The following ENOX2 variants were observed in gnomAD, a reference collection of about 807,000 sequenced individuals.
ENOX2 encodes the protein ecto-NOX disulfide-thiol exchanger 2.
A neutral mutation model predicts 45.0 loss-of-function variants in ENOX2; 36 were observed. The ratio of observed to expected loss-of-function variants is 0.80; its 90% CI spans 0.61 to 1.06. The LOEUF (loss-of-function observed/expected upper bound fraction) is 1.06. Ranked by LOEUF, ENOX2 falls within the 50% of genes least tolerant of loss-of-function variation. The pLI is 0.00. For synonymous variants in ENOX2, 174 were observed against 152.3 expected, an observed-to-expected ratio of 1.14 and a Z score of -1.05; for missense variants, 423 against 462.5, an observed-to-expected ratio of 0.91 and a Z score of 0.78.
intron 2 of ENOX2, among the ~76,000 whole-genome samples, chrX:130,855,326 T>C (rs1223622620): frequency 8.9e-6 from 1 of 112,147 alleles, no homozygotes; most frequent in Non-Finnish European, 1.9e-5. Flanking sequence ...GGTATAAATC[T>C]TAGGTACTTA....
intron 6 of ENOX2, among the ~76,000 whole-genome samples, chrX:130,670,509 G>T (rs2036957748): frequency 9.0e-6 from 1 of 110,653 alleles, no homozygotes; most frequent in Non-Finnish European, 1.9e-5. Flanking sequence ...GGCTGAGGTT[G>T]GCTCCGTGGG....
intron 10 of ENOX2, among the ~76,000 whole-genome samples, chrX:130,643,319 A>G (rs1038200770): frequency 9.0e-6 from 1 of 111,464 alleles, no homozygotes; most frequent in Non-Finnish European, 1.9e-5. Context: ...AGCAACAAAC[A>G]TGGTAGATAT....
At chrX:130,682,026 C>G (rs1046667337) in intron 5 of ENOX2, among the ~76,000 whole-genome samples, 3 of 106,560 alleles carry the variant, frequency 2.8e-5, no homozygotes, top group East Asian at 5.9e-4. Flanking sequence ...CCCCCCCCCC[C>G]ACCGACTATA....
intron 3 of ENOX2, among the ~76,000 whole-genome samples, chrX:130,745,224 G>A (rs986457969): frequency 1.2e-4 from 13 of 112,057 alleles, no homozygotes; most frequent in African/African-American, 4.2e-4. Context: ...AGATAGAAAA[G>A]TTAAACAGCA....
chrX:130,726,046 G>A (rs1569493644), intron 3 of ENOX2, among the ~76,000 whole-genome samples: 1 of 112,011 alleles, frequency 8.9e-6, no homozygotes, highest in East Asian at 2.8e-4. Context: ...AAAAGACCAG[G>A]AACATCGTAT....
chrX:130,790,540 T>G (rs2077028241), intron 2 of ENOX2, among the ~76,000 whole-genome samples: 2 of 112,422 alleles, frequency 1.8e-5, no homozygotes, highest in Admixed American at 1.9e-4. Flanking sequence ...GGTCTGCTTT[T>G]ATAAGTTCCC....
At position 130,679,735 on chromosome X, in the gene ENOX2, AG is replaced by A; in HGVS notation, c.266del (p.Pro89LeufsTer104). ...ATCCTGGTGGTCTTTCTCGGGTTGC[AG>A]GAGGTGGGAGATCTAAGTTGTAAGG... The part of the protein sequence containing the change: ...LFPPNPNLPP[P>X]ATRERPPGCK... On this transcript the variant is annotated frameshift_variant, in exon 6 of 15. Transcript: ENST00000394363. LOFTEE classifies it high-confidence loss of function. 1 of 1,207,189 alleles carries A rather than the reference AG, an allele frequency of 8.3e-7. No individual in the cohort carries two copies. Among genetic ancestry groups the A allele is most frequent in the Non-Finnish European group, 1.1e-6 (1 of 891,140 alleles).
chrX:130,872,450 C>T (rs1603376015), intron 2 of ENOX2, among the ~76,000 whole-genome samples: 1 of 111,881 alleles, frequency 8.9e-6, no homozygotes, highest in East Asian at 2.8e-4. Flanking sequence ...TATCTCTTCT[C>T]TACTTGATTT....
chrX:130,740,288 C>A (rs1045776037), intron 3 of ENOX2, among the ~76,000 whole-genome samples: 2 of 110,696 alleles, frequency 1.8e-5, no homozygotes, highest in African/African-American at 6.6e-5. Context: ...GTAATCCCAG[C>A]TACTCGGGAG....
Position 130,769,945 on chromosome X carries a change from AAAG to A in ENOX2, c.-39+13599_-39+13601del, listed in dbSNP as rs759192472. On this transcript the variant is annotated intron_variant, in intron 3 of 14. Transcript: ENST00000394363. ...AATTTAAGATGTTTTCCATGTGCCAAAAGAAGAAGACGTTCCATTTCCCTTTAT... is the reference window on the plus strand; with the variant it reads ...AATTTAAGATGTTTTCCATGTGCCAAAAGAAGACGTTCCATTTCCCTTTAT... Among the ~76,000 whole-genome samples, 9 of 112,260 alleles carry A rather than the reference AAAG, an allele frequency of 8.0e-5. No individual in the cohort carries two copies. The South Asian group carries it at 1.1e-3, about 14-fold the overall frequency.
intron 3 of ENOX2, among the ~76,000 whole-genome samples, chrX:130,705,889 C>T (rs189690735): frequency 9.0e-6 from 1 of 111,551 alleles, no homozygotes; most frequent in African/African-American, 3.3e-5. Context: ...CAGAGGGTCC[C>T]CGTTTCCCTT....
At chrX:130,785,325 CAAA>C (rs1204555333) in intron 2 of ENOX2, among the ~76,000 whole-genome samples, 3 of 44,136 alleles carry the variant, frequency 6.8e-5, no homozygotes. Context: ...AACTCCATCT[CAAA>C]AAAAAAAAAA....
chrX:130,640,857 C>T (rs1007519751), intron 10 of ENOX2, among the ~76,000 whole-genome samples: 13 of 111,097 alleles, frequency 1.2e-4, no homozygotes, highest in African/African-American at 3.3e-4. Flanking sequence ...CACAATGGCA[C>T]GCATTTAGCT....
At chrX:130,718,743 C>T (rs1358656633) in intron 3 of ENOX2, among the ~76,000 whole-genome samples, 8 of 111,210 alleles carry the variant, frequency 7.2e-5, no homozygotes, top group South Asian at 7.7e-4. Context: ...CCTTCTTTTC[C>T]GATGCTTTAT....
At chrX:130,762,213 A>G (rs1351143490) in intron 3 of ENOX2, among the ~76,000 whole-genome samples, 1 of 112,125 alleles carries the variant, frequency 8.9e-6, no homozygotes, top group Non-Finnish European at 1.9e-5. Flanking sequence ...TTTCCTCCTC[A>G]GCACTACTTT....
intron 2 of ENOX2, among the ~76,000 whole-genome samples, chrX:130,855,329 G>A (rs937857126): frequency 3.6e-5 from 4 of 111,679 alleles, no homozygotes; most frequent in Non-Finnish European, 7.5e-5. Context: ...ATAAATCTTA[G>A]GTACTTAAGT....
intron 3 of ENOX2, among the ~76,000 whole-genome samples, chrX:130,744,737 T>C (rs923895698): frequency 6.3e-5 from 7 of 111,757 alleles, no homozygotes; most frequent in Admixed American, 1.9e-4. Context: ...GAGCTGTAAC[T>C]TCAACTTTCT....
At chrX:130,878,179 C>A (rs1460513643) in intron 2 of ENOX2, among the ~76,000 whole-genome samples, 1 of 112,262 alleles carries the variant, frequency 8.9e-6, no homozygotes, top group Non-Finnish European at 1.9e-5. Context: ...TTCTTCTCTA[C>A]AGCTTATGCT....
rs746963394 is a variant in ENOX2, at chrX:130,733,701, T to C, written c.-38-30447A>G. ...AAAAAGCCAATCCAGAAAGATTACA[T>C]ATTGTATGATTCCATTTATATAACA... On this transcript the variant is annotated intron_variant, in intron 3 of 14. Transcript: ENST00000394363. Among the ~76,000 whole-genome samples the C allele has an allele frequency of 3.6e-5, 4 of 112,528 alleles. No individual in the cohort carries two copies. The South Asian group carries it at 1.1e-3, about 31-fold the overall frequency.
Sources: allele counts gnomAD v4.1 joint callset (sites outside exome capture counted in the v4.1 genomes callset), GRCh38; gene constraint gnomAD v4.1.1; transcripts MANE v1.5; gene names NCBI Gene and HGNC (gene_info 2026-07-23, HGNC 2026-07-21).